Variants in AP3B1 observed in about 807,000 individuals in gnomAD.
The protein encoded by AP3B1 is AP-3 complex subunit beta-1.
AP3B1 carries 61 observed loss-of-function variants against 132.5 expected under a neutral mutation model. That is an observed-to-expected ratio of 0.46 (90% CI 0.37 to 0.57). AP3B1 has a LOEUF of 0.57. Ranked by LOEUF, AP3B1 falls within the 20% of genes least tolerant of loss-of-function variation. AP3B1 has a pLI of 0.00. For synonymous variants in AP3B1, 388 were observed against 438.3 expected (o/e 0.89, Z 1.43); for missense variants, 1,120 against 1,289.4 (o/e 0.87, Z 2.01).
intron 7 of AP3B1, among the ~76,000 whole-genome samples, chr5:78,184,582 G>C (rs1306611228): frequency 6.6e-6 from 1 of 151,798 alleles, no homozygotes. Context: ...CAGCTACTCG[G>C]GAGGCTGAGG....
chr5:78,219,024 T>C (rs1746074136), intron 6 of AP3B1, among the ~76,000 whole-genome samples: 1 of 152,162 alleles, frequency 6.6e-6, no homozygotes, highest in East Asian at 1.9e-4. Context: ...GGTGGGGCTT[T>C]TATCAACATT....
At chr5:78,117,612 T>G (rs1013892942) in intron 17 of AP3B1, among the ~76,000 whole-genome samples, 1 of 152,146 alleles carries the variant, frequency 6.6e-6, no homozygotes, top group Non-Finnish European at 1.5e-5. Flanking sequence ...GTCCAGCCTA[T>G]TTTGTTCAAT....
chr5:78,146,456 T>C (rs904915384), intron 14 of AP3B1, among the ~76,000 whole-genome samples: 14 of 152,224 alleles, frequency 9.2e-5, no homozygotes, highest in East Asian at 3.8e-4. Context: ...ATGTGTGCTG[T>C]AGAATTCCAT....
chr5:78,197,108 A>T (rs547112538), intron 7 of AP3B1, among the ~76,000 whole-genome samples: 3 of 152,170 alleles, frequency 2.0e-5, no homozygotes, highest in Non-Finnish European at 4.4e-5. Flanking sequence ...GTGGAGGTAG[A>T]GGATATATAA....
At chr5:78,081,107 A>G (rs1749980684) in intron 22 of AP3B1, among the ~76,000 whole-genome samples, 1 of 152,178 alleles carries the variant, frequency 6.6e-6, no homozygotes, top group South Asian at 2.1e-4. Flanking sequence ...AGCATTATCC[A>G]ATAACCAATT....
rs1346832662 is a variant in AP3B1 at position 78,041,002 on chromosome 5, C to T, written c.2578-1728G>A. Among the ~76,000 whole-genome samples, 10 of 152,236 alleles carry T rather than the reference C, an allele frequency of 6.6e-5. No homozygotes were observed. In the South Asian group the frequency reaches 1.0e-3, roughly 16 times the overall value. ...AATAATCATCACCTCTGGCCAGGCGCGGTGGCTCACGCCTGTAATTCCAAC... is the reference window on the plus strand; with the variant it reads ...AATAATCATCACCTCTGGCCAGGCGTGGTGGCTCACGCCTGTAATTCCAAC... On this transcript the variant is annotated intron_variant, in intron 22 of 26. Coordinates refer to ENST00000255194, the MANE Select transcript of AP3B1 (RefSeq NM_003664.5).
At chr5:78,242,233 C>T (rs1292942709) in intron 2 of AP3B1, among the ~76,000 whole-genome samples, 1 of 152,128 alleles carries the variant, frequency 6.6e-6, no homozygotes, top group Non-Finnish European at 1.5e-5. Flanking sequence ...TTAAAATGAC[C>T]TTACTCACTA....
intron 16 of AP3B1, 83 bp from the exon 17 acceptor site, chr5:78,128,243 T>TA: frequency 4.8e-6 from 6 of 1,259,078 alleles, no homozygotes; most frequent in Non-Finnish European, 6.7e-6. Flanking sequence ...CTCAAGGTAA[T>TA]TGGCATATTA....
At chr5:78,244,812 T>A (rs1011382712) in intron 2 of AP3B1, among the ~76,000 whole-genome samples, 1 of 152,102 alleles carries the variant, frequency 6.6e-6, no homozygotes, top group Non-Finnish European at 1.5e-5. Flanking sequence ...CTGGCCAACA[T>A]GCTGAAATCC....
In AP3B1 at chr5:78,182,735, G is replaced by A. The variant is rs1475886692; in HGVS notation, c.787-1073C>T. Reference sequence around the variant, plus strand: ...AGCCCAACACCAGATAAAAAATTATGGCCCTACCCCCATCCCCACCAGTAG... The same window carrying A: ...AGCCCAACACCAGATAAAAAATTATAGCCCTACCCCCATCCCCACCAGTAG... On this transcript the variant is annotated intron_variant, in intron 7 of 26. Coordinates refer to ENST00000255194, the MANE Select transcript of AP3B1 (RefSeq NM_003664.5). Among the ~76,000 whole-genome samples the A allele has an allele frequency of 2.6e-5, 4 of 152,090 alleles. No homozygotes were observed. The East Asian group carries it at 7.7e-4, about 29-fold the overall frequency.
chr5:78,107,853 A>T (rs1184916783), intron 20 of AP3B1, among the ~76,000 whole-genome samples: 1 of 152,230 alleles, frequency 6.6e-6, no homozygotes, highest in African/African-American at 2.4e-5. Context: ...AATACTGTTG[A>T]TCTTTTATGG....
chr5:78,224,897 A>C (rs1426313319), intron 6 of AP3B1, among the ~76,000 whole-genome samples: 1 of 152,114 alleles, frequency 6.6e-6, no homozygotes, highest in African/African-American at 2.4e-5. Flanking sequence ...TCAATAATGA[A>C]TAGAACAAGT....
intron 14 of AP3B1, among the ~76,000 whole-genome samples, chr5:78,147,202 G>C (rs967992304): frequency 6.6e-6 from 1 of 151,688 alleles, no homozygotes; most frequent in Non-Finnish European, 1.5e-5. Context: ...TGTGCAAATA[G>C]GTTTGTGCTT....
chr5:78,287,997 T>C (rs1200662507), intron 1 of AP3B1, among the ~76,000 whole-genome samples: 5 of 152,224 alleles, frequency 3.3e-5, no homozygotes, highest in Admixed American at 3.3e-4. Flanking sequence ...GCAGCAACCC[T>C]GAACTCCTGA....
At chr5:78,120,888 A>G (rs934454458) in intron 17 of AP3B1, among the ~76,000 whole-genome samples, 2 of 152,210 alleles carry the variant, frequency 1.3e-5, no homozygotes, top group African/African-American at 4.8e-5. Flanking sequence ...AACAGAATAT[A>G]CATTCTTCTC....
chr5:78,037,722 T>A (rs1747864756), intron 23 of AP3B1, among the ~76,000 whole-genome samples: 1 of 152,336 alleles, frequency 6.6e-6, no homozygotes, highest in East Asian at 1.9e-4. Flanking sequence ...TTGATCCTGG[T>A]CAAAAGGCAT....
intron 6 of AP3B1, among the ~76,000 whole-genome samples, chr5:78,224,596 T>G (rs985711857): frequency 2.6e-5 from 4 of 152,026 alleles, no homozygotes; most frequent in African/African-American, 9.7e-5. Context: ...GCCAACTATA[T>G]GCTGTCTATG....
At chr5:78,062,576 C>T (rs1271919647) in intron 22 of AP3B1, among the ~76,000 whole-genome samples, 3 of 152,018 alleles carry the variant, frequency 2.0e-5, no homozygotes, top group African/African-American at 2.4e-5. Flanking sequence ...ATGACATTTC[C>T]GTATAGCAGT....
At chr5:78,070,625 C>T (rs1041038806) in intron 22 of AP3B1, among the ~76,000 whole-genome samples, 1 of 151,732 alleles carries the variant, frequency 6.6e-6, no homozygotes, top group African/African-American at 2.4e-5. Context: ...GAACAAGCAA[C>T]CTACAGAGTG....
Sources: gnomAD v4.1 joint callset for allele counts (sites outside exome capture counted in the v4.1 genomes callset) on GRCh38, gnomAD v4.1.1 for gene constraint, MANE v1.5 for transcripts, NCBI Gene and HGNC (gene_info 2026-07-23, HGNC 2026-07-21) for gene names.